The following NARS2 variants were observed in gnomAD, a reference collection of about 807,000 sequenced individuals.
The protein encoded by NARS2 is asparaginyl-tRNA synthetase.
In NARS2, 60 loss-of-function variants were observed where a neutral mutation model predicts 62.9. The observed-to-expected ratio is 0.95, with a 90% CI of 0.77 to 1.18. The LOEUF (loss-of-function observed/expected upper bound fraction) is 1.18, where lower values mean the gene tolerates loss of function less well. Ranked by LOEUF, NARS2 falls within the 50% of genes most tolerant of loss-of-function variation. The pLI is 0.00. For missense variants in NARS2, 619 were observed against 576.4 expected, an observed-to-expected ratio of 1.07 and a Z score of -0.76; for synonymous variants, 196 against 200.0, an observed-to-expected ratio of 0.98 and a Z score of 0.17.
intron 6 of NARS2, among the ~76,000 whole-genome samples, chr11:78,498,890 C>CT (rs35157157): frequency 1.6e-5 from 1 of 62,320 alleles, no homozygotes; most frequent in Non-Finnish European, 2.8e-5. Context: ...CATCCTCAGT[C>CT]TTTTTTTTTT....
At chr11:78,478,551 AG>A in intron 8 of NARS2, 33 bp downstream of exon 8, 1 of 1,385,738 alleles carries the variant, frequency 7.2e-7, no homozygotes, top group Non-Finnish European at 1.0e-6. Flanking sequence ...ATTAAACAGT[AG>A]ATGTATTGGG....
intron 4 of NARS2, among the ~76,000 whole-genome samples, chr11:78,565,880 A>C (rs957745803): frequency 6.6e-6 from 1 of 152,204 alleles, no homozygotes; most frequent in Non-Finnish European, 1.5e-5. Flanking sequence ...CACATAAGCA[A>C]GACCTCAAAG....
chr11:78,552,068 T>C (rs1406948062), intron 5 of NARS2, among the ~76,000 whole-genome samples: 2 of 152,070 alleles, frequency 1.3e-5, no homozygotes, highest in African/African-American at 4.8e-5. Flanking sequence ...GTCATGGGAG[T>C]TTGTTGTACA....
At chr11:78,543,694 T>C (rs1855723539) in intron 5 of NARS2, among the ~76,000 whole-genome samples, 1 of 152,068 alleles carries the variant, frequency 6.6e-6, no homozygotes, top group Non-Finnish European at 1.5e-5. Context: ...AAAAAACATG[T>C]ACCCTGGTAC....
chr11:78,493,900 C>G (rs1859939751), intron 6 of NARS2, among the ~76,000 whole-genome samples: 1 of 151,994 alleles, frequency 6.6e-6, no homozygotes, highest in Non-Finnish European at 1.5e-5. Context: ...CACAGAAAAT[C>G]TAGATAATAA....
intron 11 of NARS2, among the ~76,000 whole-genome samples, chr11:78,460,746 G>T (rs751254639): frequency 6.6e-6 from 1 of 152,176 alleles, no homozygotes; most frequent in Admixed American, 6.5e-5. Context: ...TGTTGTGTTT[G>T]AGATGCCTTT....
chr11:78,561,327 G>A (rs1464932945), intron 4 of NARS2, among the ~76,000 whole-genome samples: 1 of 152,152 alleles, frequency 6.6e-6, no homozygotes. Flanking sequence ...AGAATAAAAG[G>A]AAAGTAAATA....
chr11:78,554,797 A>G (rs1357908348), intron 5 of NARS2, among the ~76,000 whole-genome samples: 1 of 152,170 alleles, frequency 6.6e-6, no homozygotes, highest in East Asian at 1.9e-4. Context: ...AGGACTTCCA[A>G]TACTATGTTG....
intron 5 of NARS2, among the ~76,000 whole-genome samples, chr11:78,558,876 G>T (rs1368267653): frequency 6.6e-6 from 1 of 152,140 alleles, no homozygotes; most frequent in Non-Finnish European, 1.5e-5. Flanking sequence ...TTTAAAATAT[G>T]ACTTACGTCC....
chr11:78,471,630 C>A (rs1460690926), intron 9 of NARS2, among the ~76,000 whole-genome samples: 1 of 151,344 alleles, frequency 6.6e-6, no homozygotes, highest in African/African-American at 2.4e-5. Flanking sequence ...GTGCGCTGCA[C>A]CCACTAACTC....
At chr11:78,527,849 C>G (rs897667552) in intron 6 of NARS2, among the ~76,000 whole-genome samples, 5 of 152,298 alleles carry the variant, frequency 3.3e-5, no homozygotes, top group Non-Finnish European at 7.3e-5. Context: ...GTGGCTCCTG[C>G]TTGTAATCCC....
intron 5 of NARS2, among the ~76,000 whole-genome samples, chr11:78,539,710 T>C (rs1221802586): frequency 6.6e-6 from 1 of 152,228 alleles, no homozygotes; most frequent in Non-Finnish European, 1.5e-5. Flanking sequence ...TCATTGATGA[T>C]GATAGTGTTC....
intron 7 of NARS2, among the ~76,000 whole-genome samples, chr11:78,482,547 A>G (rs1028709994): frequency 6.6e-6 from 1 of 152,244 alleles, no homozygotes; most frequent in African/African-American, 2.4e-5. Context: ...ACAATAAAAA[A>G]TGATAAAGGG....
At chr11:78,492,042 C>G (rs925446360) in intron 7 of NARS2, among the ~76,000 whole-genome samples, 2 of 151,430 alleles carry the variant, frequency 1.3e-5, no homozygotes, top group Non-Finnish European at 2.9e-5. Context: ...TAACAGTTAA[C>G]AATTCCTGGG....
At chr11:78,572,839 G>A (rs1463489372) in intron 1 of NARS2, among the ~76,000 whole-genome samples, 1 of 151,976 alleles carries the variant, frequency 6.6e-6, no homozygotes, top group East Asian at 1.9e-4. Flanking sequence ...AAAACATATT[G>A]AGATATTTTG....
At chr11:78,468,310 GAAAAAAAAAAAAA>G (rs764254167) in intron 10 of NARS2, among the ~76,000 whole-genome samples, 1 of 67,436 alleles carries the variant, frequency 1.5e-5, no homozygotes, top group Non-Finnish European at 2.9e-5. Context: ...CACTAAATCT[GAAAAAAAAAAAAA>G]AAAAAGAAAA....
chr11:78,521,529 G>A lies in NARS2; in HGVS notation c.689+7313C>T, dbSNP rs190227124. Among the ~76,000 whole-genome samples, 535 of 152,040 alleles carry A rather than the reference G, an allele frequency of 3.5e-3. 2 individuals are homozygous for A. Among genetic ancestry groups the A allele is most frequent in the African/African-American group, 0.012 (513 of 41,522 alleles). On this transcript the variant is annotated intron_variant, in intron 6 of 13. Transcript: ENST00000281038. ...CCCGGGGCCGGGCGCGGTGGCTCAC[G>A]CCTGTAATCCCAGCACTTTGGGAGG...
chr11:78,494,432 T>C (rs530703463), intron 6 of NARS2, among the ~76,000 whole-genome samples: 1 of 151,136 alleles, frequency 6.6e-6, no homozygotes, highest in East Asian at 1.9e-4. Context: ...GTGTAGAAAA[T>C]AGATGGATTT....
intron 6 of NARS2, among the ~76,000 whole-genome samples, chr11:78,526,058 A>G (rs566028468): frequency 6.6e-6 from 1 of 152,266 alleles, no homozygotes; most frequent in Admixed American, 6.5e-5. Context: ...TGGATCCTGG[A>G]AAAAGAATAA....
Sources: allele counts gnomAD v4.1 joint callset (sites outside exome capture counted in the v4.1 genomes callset), GRCh38; gene constraint gnomAD v4.1.1; transcripts MANE v1.5; gene names NCBI Gene and HGNC (gene_info 2026-07-23, HGNC 2026-07-21).